The following VPS53 variants were observed in gnomAD, a reference collection of about 807,000 sequenced individuals.
The protein encoded by VPS53 is vacuolar protein sorting-associated protein 53 homolog.
A neutral mutation model predicts 107.0 loss-of-function variants in VPS53; 70 were observed. The ratio of observed to expected loss-of-function variants is 0.65; its 90% CI spans 0.54 to 0.80. VPS53 has a LOEUF of 0.80. Among genes scored for constraint, VPS53 ranks in the 30% least tolerant of loss-of-function variants. The probability of loss-of-function intolerance (pLI) is 0.00; values close to 1 mark genes in which losing one functional copy is unlikely to be tolerated. For synonymous variants in VPS53, 409 were observed against 393.3 expected (o/e 1.04, Z -0.47); for missense variants, 917 against 1,049.4 (o/e 0.87, Z 1.74).
At chr17:539,700 C>G (rs1292441350) in intron 17 of VPS53, among the ~76,000 whole-genome samples, 6 of 152,138 alleles carry the variant, frequency 3.9e-5, no homozygotes, top group Admixed American at 6.5e-5. Flanking sequence ...GCCATCATCC[C>G]CCATGGGTGA....
intron 4 of VPS53, among the ~76,000 whole-genome samples, chr17:662,467 A>C (rs1457449883): frequency 6.6e-6 from 1 of 152,066 alleles, no homozygotes; most frequent in South Asian, 2.1e-4. Context: ...AGGCGGGCAG[A>C]TCACGAGGTC....
rs753903172 is a variant in VPS53, at chr17:601,880, G to A, written c.1133C>T (p.Pro378Leu). ...TDGTLKKLESPPPSTNPFLED... is the reference protein window; with the variant it reads ...TDGTLKKLESLPPSTNPFLED... The stretch of plus-strand genomic sequence containing the variant: ...CAGGAAGGGATTGGTAGATGGGGGT[G>A]GAGACTCAAGCTTTTTCTGTTAGGT... The change falls in exon 12 of 22, where the codon CCA becomes CTA. Residue 378 changes from proline (P) to leucine (L), a missense_variant. Physicochemically the swap from Pro to Leu is moderately conservative, Grantham distance 98 (BLOSUM62 -3). Transcript: ENST00000437048. 1.0e-5 allele frequency: 16 copies of A among 1,588,920 alleles called. No homozygotes were observed. The highest frequency in any genetic ancestry group is 1.4e-5 in the African/African-American group (1 of 73,920).
chr17:647,200 C>G (rs1397094182), intron 7 of VPS53, among the ~76,000 whole-genome samples: 1 of 152,172 alleles, frequency 6.6e-6, no homozygotes, highest in Non-Finnish European at 1.5e-5. Context: ...CAGAATTTGT[C>G]TATGACCCCT....
At chr17:711,377 A>G (rs1973637397) in intron 1 of VPS53, among the ~76,000 whole-genome samples, 1 of 152,244 alleles carries the variant, frequency 6.6e-6, no homozygotes, top group South Asian at 2.1e-4. Flanking sequence ...AAGCCTTCCA[A>G]AGAAATATAG....
intron 12 of VPS53, among the ~76,000 whole-genome samples, chr17:586,797 T>C (rs2143000687): frequency 6.6e-6 from 1 of 152,328 alleles, no homozygotes; most frequent in East Asian, 1.9e-4. Context: ...CATGTAGGTA[T>C]GACTACTACT....
intron 4 of VPS53, among the ~76,000 whole-genome samples, chr17:663,346 T>C (rs1971551021): frequency 6.6e-6 from 1 of 152,208 alleles, no homozygotes; most frequent in South Asian, 2.1e-4. Flanking sequence ...AGTTGTGACA[T>C]GTGGAGACCA....
At chr17:630,881 G>A (rs1441045675) in intron 8 of VPS53, among the ~76,000 whole-genome samples, 4 of 152,096 alleles carry the variant, frequency 2.6e-5, no homozygotes, top group African/African-American at 4.8e-5. Flanking sequence ...AAAAAGTCTC[G>A]TATGGGTTCT....
intron 4 of VPS53, among the ~76,000 whole-genome samples, chr17:669,216 CA>C (rs1971829617): frequency 6.6e-6 from 1 of 152,138 alleles, no homozygotes; most frequent in African/African-American, 2.4e-5. Context: ...TTAAGAAACA[CA>C]AAAATACCTT....
chr17:569,133 G>C (rs772736880), intron 13 of VPS53, among the ~76,000 whole-genome samples: 1 of 152,198 alleles, frequency 6.6e-6, no homozygotes, highest in Non-Finnish European at 1.5e-5. Context: ...TTGTGCCAGA[G>C]AGGAAGGAGG....
Position 560,482 on chromosome 17 carries a change from A to C in VPS53, c.1648T>G (p.Cys550Gly), listed in dbSNP as rs779763407. 6.2e-7 allele frequency: 1 copy of C among 1,613,284 alleles called. No homozygotes were observed. The highest frequency in any genetic ancestry group is 1.1e-5 in the South Asian group (1 of 91,026). Residue 550 changes from cysteine (C) to glycine (G), a missense_variant, in exon 15 of 22, where the codon TGC becomes GGC. By Grantham distance (159) the Cys-to-Gly change is radical. Transcript: ENST00000437048. Reference sequence around the variant, plus strand: ...GTGCTCAGGATGTTACAGATGAGGCAGAGCTCCTCCAGAGTGAACTTGGCT... The same window carrying C: ...GTGCTCAGGATGTTACAGATGAGGCCGAGCTCCTCCAGAGTGAACTTGGCT... ...EVAKFTLEEL[C>G]LICNILSTAE...
intron 7 of VPS53, among the ~76,000 whole-genome samples, chr17:648,792 A>T (rs534064435): frequency 3.5e-4 from 48 of 138,862 alleles, no homozygotes; most frequent in African/African-American, 1.2e-3. Flanking sequence ...ACTGGAGGAC[A>T]GAGGAATGGA....
chr17:619,386 T>C, intron 11 of VPS53, among the ~76,000 whole-genome samples: 1 of 144,412 alleles, frequency 6.9e-6, no homozygotes, highest in African/African-American at 2.6e-5. Context: ...CATGCCCCGC[T>C]AATATTTCCC....
chr17:574,068 C>T (rs1021960968), intron 13 of VPS53, among the ~76,000 whole-genome samples: 4 of 152,080 alleles, frequency 2.6e-5, no homozygotes, highest in Non-Finnish European at 5.9e-5. Context: ...TGGTTAATAA[C>T]GAGTGCGTTG....
chr17:568,193 C>T (rs933995902), intron 13 of VPS53, among the ~76,000 whole-genome samples: 1 of 152,084 alleles, frequency 6.6e-6, no homozygotes, highest in South Asian at 2.1e-4. Flanking sequence ...AAGATGGCAA[C>T]GCAGGTGAGC....
chr17:562,827 A>C, intron 13 of VPS53, 82 bp from the exon 14 acceptor site: 1 of 1,455,752 alleles, frequency 6.9e-7, no homozygotes, highest in Non-Finnish European at 9.3e-7. Flanking sequence ...ATGTACATAA[A>C]CTACTGCCAC....
chr17:702,914 T>C (rs986346891), intron 2 of VPS53, among the ~76,000 whole-genome samples: 1 of 151,268 alleles, frequency 6.6e-6, no homozygotes, highest in Non-Finnish European at 1.5e-5. Flanking sequence ...TTGGGAACTA[T>C]GGAGGCGGAG....
intron 4 of VPS53, among the ~76,000 whole-genome samples, chr17:672,175 A>ATCTCTCTCTCTCTC (rs10539620): frequency 0.05 from 5,328 of 106,868 alleles, 364 homozygotes; most frequent in Non-Finnish European, 0.073. Context: ...CACAATCTCA[A>ATCTCTCTCTCTCTC]TCTCTCTCTC....
At chr17:613,491 G>C (rs1445205968) in intron 11 of VPS53, among the ~76,000 whole-genome samples, 1 of 149,348 alleles carries the variant, frequency 6.7e-6, no homozygotes, top group Admixed American at 6.7e-5. Flanking sequence ...CACATAGTGA[G>C]TTCACACAGT....
intron 4 of VPS53, among the ~76,000 whole-genome samples, chr17:682,348 G>T (rs1195158230): frequency 1.3e-5 from 2 of 152,126 alleles, no homozygotes; most frequent in Non-Finnish European, 2.9e-5. Flanking sequence ...CACTAACAAG[G>T]AGGAAAACGG....
Sources: gnomAD v4.1 joint callset for allele counts (sites outside exome capture counted in the v4.1 genomes callset) on GRCh38, gnomAD v4.1.1 for gene constraint, MANE v1.5 for transcripts, NCBI Gene and HGNC (gene_info 2026-07-23, HGNC 2026-07-21) for gene names.